Variants in EDRF1 observed in about 807,000 individuals in gnomAD.
EDRF1 encodes the protein erythroid differentiation regulatory factor 1.
In EDRF1, 69 loss-of-function variants were observed where a neutral mutation model predicts 148.7. The observed-to-expected ratio is 0.46, with a 90% confidence interval of 0.38 to 0.57. The LOEUF (loss-of-function observed/expected upper bound fraction) is 0.57. Ranked by LOEUF, EDRF1 falls within the 20% of genes least tolerant of loss-of-function variation. The probability of loss-of-function intolerance (pLI) is 0.00; values close to 1 mark genes in which losing one functional copy is unlikely to be tolerated. For synonymous variants in EDRF1, 515 were observed against 532.8 expected, an observed-to-expected ratio of 0.97 and a Z score of 0.46; for missense variants, 1,118 against 1,478.7, an observed-to-expected ratio of 0.76 and a Z score of 4.00.
chr10:125,738,434 T>A lies in EDRF1; in HGVS notation c.1970T>A (p.Phe657Tyr). ...GGGCTAGAGAAGCAGATGGCCTTGT[T>A]TTTGGACAAAAGTAAGTTGAATTGA... ...PEGLEKQMALFLDKMGSLQKG... is the reference protein window; with the variant it reads ...PEGLEKQMALYLDKMGSLQKG... Residue 657 changes from phenylalanine to tyrosine, a missense_variant, in exon 15 of 25, where the codon TTT becomes TAT. Coordinates refer to ENST00000356792, the MANE Select transcript of EDRF1 (RefSeq NM_001202438.2). The A allele has an allele frequency of 6.2e-7, 1 of 1,614,098 alleles. No homozygotes were observed. Among genetic ancestry groups the A allele is most frequent in the Non-Finnish European group, 8.5e-7 (1 of 1,179,978 alleles).
At chr10:125,721,942 C>G (rs972165837) in intron 2 of EDRF1, among the ~76,000 whole-genome samples, 3 of 152,218 alleles carry the variant, frequency 2.0e-5, no homozygotes, top group African/African-American at 7.2e-5. Context: ...TATTAATGTA[C>G]ATACTGTAGG....
Position 125,741,035 on chromosome 10 carries a change from C to T in EDRF1, c.2205C>T (p.Ser735=), listed in dbSNP as rs17153494. The T allele has an allele frequency of 0.02, 32,291 of 1,614,008 alleles. 367 individuals carry two copies. The highest frequency in any genetic ancestry group is 0.024 in the Non-Finnish European group (27,786 of 1,179,956). The part of the protein sequence containing the change: ...TYCCLCTNML[S]EVLLFLSQYL... ...GCTGCCTCTGCACCAATATGCTTTC[C>T]GAAGTGCTGTTGTTTCTCTCTCAAT... The change falls in exon 17 of 25, where the codon TCC becomes TCT. Residue 735 remains serine (S), a synonymous_variant. Transcript: ENST00000356792.
Position 125,745,891 on chromosome 10 carries a change from A to G in EDRF1, c.2775A>G (p.Lys925=). The G allele has an allele frequency of 6.2e-7, 1 of 1,614,226 alleles. No individual in the cohort carries two copies. The highest frequency in any genetic ancestry group is 8.5e-7 in the Non-Finnish European group (1 of 1,180,038). Residue 925 remains lysine (K), a synonymous_variant, in exon 19 of 25, where the codon AAA becomes AAG. Coordinates refer to ENST00000356792, the MANE Select transcript of EDRF1 (RefSeq NM_001202438.2). ...QAHCGAGDEL[K]REFSPEEGLY... is the part of the protein sequence containing the mutation. ...ACTGTGGTGCAGGGGATGAACTGAA[A>G]CGTGAATTTTCACCAGAAGAAGGCT... is the stretch of plus-strand genomic sequence containing the variant.
rs1265361775 is a variant in EDRF1 at position 125,738,177 on chromosome 10, T to A, written c.1831-118T>A. 13 of 1,432,468 alleles carry A rather than the reference T, an allele frequency of 9.1e-6. No individual in the cohort carries two copies. The East Asian group carries it at 2.7e-4, about 30-fold the overall frequency. 88.7% of individuals were successfully genotyped at this position (1,432,468 alleles called of 1,614,324 possible). A position where few individuals can be genotyped will look rare whatever the true frequency, so the allele number is the denominator to read the frequency against. On this transcript the variant is annotated intron_variant, in intron 14 of 24. Transcript: ENST00000356792. ...TCAGATCAAACATAGTTTTTGAAAG[T>A]CTGTTTGTGAGATGGAAATTTTCCT...
intron 8 of EDRF1, 36 bp from the exon 9 acceptor site, chr10:125,730,248 CTTAA>C (rs1848431250): frequency 2.7e-6 from 4 of 1,474,506 alleles, no homozygotes; most frequent in African/African-American, 1.4e-5. Flanking sequence ...TAAGGAACAT[CTTAA>C]TTAAACCAAA....
chr10:125,752,990 TGTGTATGTGTGTGG>T, intron 23 of EDRF1, 76 bp downstream of exon 23: 1 of 962,732 alleles, frequency 1.0e-6, no homozygotes, highest in Non-Finnish European at 1.7e-6. Flanking sequence ...TGGACGTGTG[TGTGTATGTGTGTGG>T]GTATATATAC....
intron 9 of EDRF1, among the ~76,000 whole-genome samples, chr10:125,731,573 A>G (rs1848481111): frequency 1.3e-5 from 2 of 152,230 alleles, no homozygotes; most frequent in Admixed American, 6.5e-5. Context: ...GCTAAGGAGT[A>G]TGGACTTGGT....
In EDRF1 at chr10:125,735,656, G is replaced by T. The variant is rs375248496; in HGVS notation, c.1510G>T (p.Ala504Ser). 6.2e-7 allele frequency: 1 copy of T among 1,612,470 alleles called. No individual in the cohort carries two copies. Among genetic ancestry groups the T allele is most frequent in the East Asian group, 2.2e-5 (1 of 44,832 alleles). ...TCTTTTTCATAAGATTATTGCTTCCGCCAATTACATGCTTTCAGAACTTTT... is the reference window on the plus strand; with the variant it reads ...TCTTTTTCATAAGATTATTGCTTCCTCCAATTACATGCTTTCAGAACTTTT... ...KSRHPQIIAS[A>S]NYMLSELFQL... The change falls in exon 13 of 25, where the codon GCC becomes TCC. Residue 504 changes from alanine (A) to serine (S), a missense_variant. Transcript: ENST00000356792.
chr10:125,735,049 G>C (rs139778921), intron 12 of EDRF1, among the ~76,000 whole-genome samples: 32 of 152,300 alleles, frequency 2.1e-4, no homozygotes, highest in African/African-American at 7.5e-4. Flanking sequence ...AGTGGAACTT[G>C]AGTGGTTTAT....
At chr10:125,742,761 A>G (rs985037910) in intron 17 of EDRF1, 15 of 984,846 alleles carry the variant, frequency 1.5e-5, no homozygotes, top group Non-Finnish European at 1.7e-5. Flanking sequence ...TTAGTGGACA[A>G]CTTTAGGTCC....
chr10:125,756,898 A>C (rs1385704665), intron 24 of EDRF1: 1 of 409,244 alleles, frequency 2.4e-6, no homozygotes, highest in Non-Finnish European at 4.8e-6. Context: ...CTGCAGCCCC[A>C]ACTTCCTGGG....
intron 18 of EDRF1, 27 bp downstream of exon 18, chr10:125,743,303 ATTGC>A: frequency 6.3e-7 from 1 of 1,583,020 alleles, no homozygotes; most frequent in Non-Finnish European, 8.7e-7. Flanking sequence ...ATTCCTCTCT[ATTGC>A]TTGTTCTCTC....
Position 125,734,178 on chromosome 10 carries a change from C to G in EDRF1, c.1492C>G (p.Pro498Ala). Reference sequence around the variant, plus strand: ...GAAATTACTGGACAAAAGTAGGCATCCTCAAGTAAGATTAACATTTATGTA... The same window carrying G: ...GAAATTACTGGACAAAAGTAGGCATGCTCAAGTAAGATTAACATTTATGTA... ...CLKLLDKSRHPQIIASANYML... is the reference protein window; with the variant it reads ...CLKLLDKSRHAQIIASANYML... Residue 498 changes from proline to alanine, a missense_variant, in exon 12 of 25, where the codon CCT becomes GCT. Transcript: ENST00000356792. 1 of 1,600,250 alleles carries G rather than the reference C, an allele frequency of 6.2e-7. No homozygotes were observed. The highest frequency in any genetic ancestry group is 8.6e-7 in the Non-Finnish European group (1 of 1,167,640).
chr10:125,740,942 A>C, intron 16 of EDRF1, 59 bp from the exon 17 acceptor site: 68 of 1,462,046 alleles, frequency 4.7e-5, no homozygotes, highest in Middle Eastern at 1.7e-4. Context: ...CATATTTCCT[A>C]TGATCATTAA....
chr10:125,750,955 T>C (rs562758325), intron 22 of EDRF1, among the ~76,000 whole-genome samples: 2 of 151,924 alleles, frequency 1.3e-5, no homozygotes, highest in Non-Finnish European at 2.9e-5. Flanking sequence ...TTGTTTTTTG[T>C]TTTGTTTTGT....
At chr10:125,760,467 T>A (rs756725704) in intron 24 of EDRF1, among the ~76,000 whole-genome samples, 23 of 152,250 alleles carry the variant, frequency 1.5e-4, no homozygotes, top group Non-Finnish European at 3.2e-4. Flanking sequence ...GCATGACACA[T>A]ACAATCTTAT....
At position 125,729,068 on chromosome 10, in the gene EDRF1, C is replaced by T; in HGVS notation, c.858C>T (p.Asn286=). 3 of 1,578,464 alleles carry T rather than the reference C, an allele frequency of 1.9e-6. No individual in the cohort carries two copies. Among genetic ancestry groups the T allele is most frequent in the South Asian group, 1.1e-5 (1 of 87,550 alleles). ...TGGCCTCAGCCCCCAAAGAACAAAA[C>T]CTGATTACTTTATTCAATGACGGGG... The part of the protein sequence containing the change: ...GHVASAPKEQ[N]LITLFNDGEH... The change falls in exon 7 of 25, where the codon AAC becomes AAT. Residue 286 remains asparagine, a synonymous_variant. Transcript: ENST00000356792.
At position 125,747,609 on chromosome 10, in the gene EDRF1, T is replaced by C. The variant is rs1338831318; in HGVS notation, c.2888T>C (p.Val963Ala). 6.2e-7 allele frequency: 1 copy of C among 1,614,062 alleles called. No homozygotes were observed. The highest frequency in any genetic ancestry group is 8.5e-7 in the Non-Finnish European group (1 of 1,180,024). The change falls in exon 20 of 25, where the codon GTG (valine) becomes GCG (alanine). Residue 963 changes from valine (V) to alanine (A), a missense_variant. Val to Ala is a moderately conservative substitution (Grantham distance 64). This residue lies in a region of EDRF1 where 954 missense variants were observed against 1,241.4 expected (regional missense o/e 0.77). Transcript: ENST00000356792. ...RDIHPAVWDS[V>A]NWELSTTYFT... ...ATACACCCAGCTGTTTGGGATTCAG[T>C]GAACTGGGAATTGTCCACTACTTAC...
rs746280019 is a variant in EDRF1, at chr10:125,740,508, T to A, written c.2027T>A (p.Ile676Asn). The A allele has an allele frequency of 3.7e-6, 6 of 1,614,056 alleles. No individual in the cohort carries two copies. The highest frequency in any genetic ancestry group is 4.2e-6 in the Non-Finnish European group (5 of 1,180,052). ...AATTATTCCAGTCAATCTGGAATGA[T>A]CCCTGGCTCTTGGCAACATAAAATG... ...KGNYSSQSGM[I>N]PGSWQHKMKL... The change falls in exon 16 of 25, where the codon ATC (isoleucine) becomes AAC (asparagine). Residue 676 changes from isoleucine (I) to asparagine (N), a missense_variant. Coordinates refer to ENST00000356792, the MANE Select transcript of EDRF1 (RefSeq NM_001202438.2).
Sources: allele counts gnomAD v4.1 joint callset (sites outside exome capture counted in the v4.1 genomes callset), GRCh38; gene constraint gnomAD v4.1.1; regional missense constraint gnomAD v4.1.1; transcripts MANE v1.5; gene names NCBI Gene and HGNC (gene_info 2026-07-23, HGNC 2026-07-21).